Variants in GPC3 observed in about 807,000 individuals in gnomAD.
GPC3 encodes the protein glypican-3.
A neutral mutation model predicts 34.4 loss-of-function variants in GPC3; 3 were observed. The ratio of observed to expected loss-of-function variants is 0.09; its 90% CI spans 0.04 to 0.23. The LOEUF (loss-of-function observed/expected upper bound fraction) is 0.23. GPC3 is among the 10% of genes least tolerant of loss of function. The pLI, the probability that GPC3 is intolerant of heterozygous loss-of-function variation, is 1.00. For synonymous variants in GPC3, 177 were observed against 174.0 expected, an observed-to-expected ratio of 1.02 and a Z score of -0.13; for missense variants, 351 against 445.6, an observed-to-expected ratio of 0.79 and a Z score of 1.91.
chrX:133,620,118 G>A (rs754698136), intron 6 of GPC3, among the ~76,000 whole-genome samples: 1 of 106,429 alleles, frequency 9.4e-6, no homozygotes, highest in Non-Finnish European at 1.9e-5. Context: ...TACTTGGGAG[G>A]CTGAGGCAGG....
At chrX:133,870,592 C>T (rs959851440) in intron 2 of GPC3, among the ~76,000 whole-genome samples, 8 of 110,408 alleles carry the variant, frequency 7.2e-5, no homozygotes, top group African/African-American at 2.0e-4. Flanking sequence ...TCACTCTTAG[C>T]GAATGATATT....
At chrX:133,883,416 A>G (rs1263452640) in intron 2 of GPC3, among the ~76,000 whole-genome samples, 1 of 112,019 alleles carries the variant, frequency 8.9e-6, no homozygotes, top group East Asian at 2.8e-4. Context: ...ACATTTAAAT[A>G]AGATTCTTAA....
At chrX:133,661,076 C>T (rs889912436) in intron 6 of GPC3, among the ~76,000 whole-genome samples, 8 of 110,292 alleles carry the variant, frequency 7.3e-5, no homozygotes, top group African/African-American at 2.3e-4. Flanking sequence ...GGCTGAGACA[C>T]GAGAATATCT....
intron 2 of GPC3, among the ~76,000 whole-genome samples, chrX:133,842,362 A>ATATATTATATTATATTATATTATAT (rs779329401): frequency 0.018 from 1,958 of 106,206 alleles, 57 homozygotes; most frequent in African/African-American, 0.063. Flanking sequence ...ACTCCCCTAT[A>ATATATTATATTATATTATATTATAT]TATATTACAT....
chrX:133,784,021 T>C (rs1760171715), intron 2 of GPC3, among the ~76,000 whole-genome samples: 1 of 111,631 alleles, frequency 9.0e-6, no homozygotes, highest in African/African-American at 3.3e-5. Context: ...CCTTACTTCC[T>C]CCACTTAGTT....
chrX:133,966,482 T>C (rs1335422731), intron 1 of GPC3, among the ~76,000 whole-genome samples: 1 of 112,290 alleles, frequency 8.9e-6, no homozygotes, highest in Admixed American at 9.4e-5. Context: ...CCAGCTCTAA[T>C]AGCTAACTTA....
chrX:133,910,602 T>A (rs1448351182), intron 2 of GPC3, among the ~76,000 whole-genome samples: 1 of 112,013 alleles, frequency 8.9e-6, no homozygotes, highest in Non-Finnish European at 1.9e-5. Context: ...ACTATTTCAT[T>A]TGTGAGTATC....
chrX:133,543,703 G>C (rs1268504610), intron 7 of GPC3, among the ~76,000 whole-genome samples: 1 of 112,470 alleles, frequency 8.9e-6, no homozygotes, highest in Non-Finnish European at 1.9e-5. Context: ...CACTGCAGTG[G>C]GTTGTAGGTA....
intron 6 of GPC3, among the ~76,000 whole-genome samples, chrX:133,603,476 C>A (rs915091075): frequency 8.9e-6 from 1 of 111,788 alleles, no homozygotes; most frequent in African/African-American, 3.2e-5. Context: ...TGACAAGAGC[C>A]ACCAGAGCAC....
In GPC3 at chrX:133,869,400, G is replaced by A. The variant is rs762492113; in HGVS notation, c.337+83650C>T. On this transcript the variant is annotated intron_variant, in intron 2 of 7. Transcript: ENST00000370818. ...TCACAAGTACAACTTCACCGAAAGCGCACCCAGAATCTAGTGCTAACAGAT... is the reference window on the plus strand; with the variant it reads ...TCACAAGTACAACTTCACCGAAAGCACACCCAGAATCTAGTGCTAACAGAT... 3.6e-5 allele frequency among the ~76,000 whole-genome samples: 4 copies of A among 111,702 alleles called. No individual in the cohort carries two copies. In the South Asian group the frequency reaches 1.5e-3, roughly 42 times the overall value.
At chrX:133,951,093 T>TGTGTGA (rs775971439) in intron 2 of GPC3, among the ~76,000 whole-genome samples, 25 of 100,072 alleles carry the variant, frequency 2.5e-4, no homozygotes, top group African/African-American at 8.9e-4. Context: ...TGTGTGTGTG[T>TGTGTGA]GAAGTGAAAG....
intron 2 of GPC3, among the ~76,000 whole-genome samples, chrX:133,860,945 T>C (rs994982592): frequency 9.3e-6 from 1 of 107,623 alleles, no homozygotes; most frequent in Non-Finnish European, 1.9e-5. Flanking sequence ...CTACAAAAAA[T>C]AGAAAAATTA....
At chrX:133,645,000 C>T (rs2070526509) in intron 6 of GPC3, among the ~76,000 whole-genome samples, 1 of 111,669 alleles carries the variant, frequency 9.0e-6, no homozygotes, top group Non-Finnish European at 1.9e-5. Context: ...AAGCTGGTCT[C>T]GAACTTCTGA....
intron 5 of GPC3, among the ~76,000 whole-genome samples, chrX:133,690,973 G>A (rs536198359): frequency 4.5e-5 from 5 of 111,275 alleles, no homozygotes; most frequent in African/African-American, 1.3e-4. Flanking sequence ...TTTTTTAATC[G>A]CAAGCTATTC....
chrX:133,886,381 A>G (rs2076061932), intron 2 of GPC3, among the ~76,000 whole-genome samples: 1 of 110,752 alleles, frequency 9.0e-6, no homozygotes, highest in South Asian at 3.8e-4. Context: ...GGAGTAGAAA[A>G]GAACTCAGGT....
At chrX:133,677,761 G>C (rs1332656311) in intron 5 of GPC3, among the ~76,000 whole-genome samples, 1 of 111,548 alleles carries the variant, frequency 9.0e-6, no homozygotes, top group Non-Finnish European at 1.9e-5. Context: ...AGGGGATGGC[G>C]CCTTATAGAC....
chrX:133,767,868 T>C (rs1603243485), intron 2 of GPC3, among the ~76,000 whole-genome samples: 1 of 108,153 alleles, frequency 9.2e-6, no homozygotes, highest in East Asian at 2.9e-4. Context: ...TCTTATATTC[T>C]ATAAACATTA....
At chrX:133,772,752 A>G (rs1001808195) in intron 2 of GPC3, among the ~76,000 whole-genome samples, 3 of 111,769 alleles carry the variant, frequency 2.7e-5, no homozygotes, top group African/African-American at 9.8e-5. Context: ...TGGACCAGGC[A>G]CTATTTCAAG....
At chrX:133,751,990 T>TC (rs1486545701) in intron 3 of GPC3, among the ~76,000 whole-genome samples, 1 of 111,108 alleles carries the variant, frequency 9.0e-6, no homozygotes, top group African/African-American at 3.3e-5. Context: ...CCCACTTCAG[T>TC]CCCCCCAGTA....
Sources: allele counts gnomAD v4.1 joint callset (sites outside exome capture counted in the v4.1 genomes callset), GRCh38; gene constraint gnomAD v4.1.1; transcripts MANE v1.5; gene names NCBI Gene and HGNC (gene_info 2026-07-23, HGNC 2026-07-21).